The following EFCAB6 variants were observed in gnomAD, a reference collection of about 807,000 sequenced individuals.
EFCAB6 encodes the protein EF-hand calcium-binding domain-containing protein 6.
A neutral mutation model predicts 169.8 loss-of-function variants in EFCAB6; 156 were observed. That is an observed-to-expected ratio of 0.92 (90% CI 0.81 to 1.05). The LOEUF is 1.05. EFCAB6 is among the 50% of genes least tolerant of loss of function. EFCAB6 has a pLI of 0.00. For synonymous variants in EFCAB6, 698 were observed against 676.4 expected, an observed-to-expected ratio of 1.03 and a Z score of -0.50; for missense variants, 1,800 against 1,829.1, an observed-to-expected ratio of 0.98 and a Z score of 0.29.
intron 6 of EFCAB6, among the ~76,000 whole-genome samples, chr22:43,752,531 G>A (rs1409317801): frequency 2.0e-5 from 3 of 152,236 alleles, no homozygotes; most frequent in Non-Finnish European, 4.4e-5. Flanking sequence ...ACCAGGTGGT[G>A]ATTGAGGTTG....
chr22:43,566,240 T>C (rs1282601181), intron 26 of EFCAB6, among the ~76,000 whole-genome samples: 1 of 152,164 alleles, frequency 6.6e-6, no homozygotes, highest in East Asian at 1.9e-4. Context: ...GTGAGGCAGT[T>C]TCACCAGATT....
intron 27 of EFCAB6, among the ~76,000 whole-genome samples, chr22:43,543,860 C>T (rs2047889947): frequency 6.6e-6 from 1 of 152,106 alleles, no homozygotes; most frequent in South Asian, 2.1e-4. Flanking sequence ...CTCCGGCAGC[C>T]CCAGTCCCGC....
Position 43,630,718 on chromosome 22 carries a change from C to T in EFCAB6, c.2232+1387G>A, listed in dbSNP as rs576154119. On this transcript the variant is annotated intron_variant, in intron 19 of 31. Coordinates refer to ENST00000262726, the MANE Select transcript of EFCAB6 (RefSeq NM_022785.4). ...TCTCTCCCTGCAGCGGCCGCTGCCT[C>T]CCACCCAGCTCGGCTCTCCTTTGGA... Among the ~76,000 whole-genome samples the T allele has an allele frequency of 3.3e-5, 5 of 152,280 alleles. No homozygotes were observed. The East Asian group carries it at 9.7e-4, about 29-fold the overall frequency.
In EFCAB6 at chr22:43,765,316, A is replaced by C. The variant is rs2061292872; in HGVS notation, c.429T>G (p.Asn143Lys). The C allele has an allele frequency of 1.2e-6, 2 of 1,611,676 alleles. No homozygotes were observed. Among genetic ancestry groups the C allele is most frequent in the East Asian group, 4.5e-5 (2 of 44,784 alleles). Reference protein sequence around the residue: ...SRFGGIDLYINGIKRGGGNEM... With the variant: ...SRFGGIDLYIKGIKRGGGNEM... ...AACCAAACACTTACCTCTTTATACC[A>C]TTTATATATAGGTCAATTCCACCAA... The change falls in exon 5 of 32, where the codon AAT becomes AAG. Residue 143 changes from asparagine to lysine, a missense_variant. Transcript: ENST00000262726.
chr22:43,801,082 G>A (rs2062693303), intron 2 of EFCAB6, among the ~76,000 whole-genome samples: 1 of 151,270 alleles, frequency 6.6e-6, no homozygotes, highest in Non-Finnish European at 1.5e-5. Context: ...ACGGCAAGAG[G>A]AAAAAAAACA....
intron 8 of EFCAB6, among the ~76,000 whole-genome samples, chr22:43,731,164 T>C (rs1243936999): frequency 6.6e-6 from 1 of 152,074 alleles, no homozygotes; most frequent in African/African-American, 2.4e-5. Context: ...ACCCTGGGCG[T>C]CGTATGGAGG....
chr22:43,757,285 C>T (rs548484204), intron 5 of EFCAB6, among the ~76,000 whole-genome samples: 31 of 152,310 alleles, frequency 2.0e-4, no homozygotes, highest in Non-Finnish European at 3.1e-4. Flanking sequence ...TGGTGGCTCA[C>T]GCCTGTAATC....
chr22:43,798,576 T>A (rs1307870987), intron 2 of EFCAB6, among the ~76,000 whole-genome samples: 1 of 152,188 alleles, frequency 6.6e-6, no homozygotes, highest in Non-Finnish European at 1.5e-5. Flanking sequence ...ATGTAGCTAT[T>A]GGGATAAGTC....
At chr22:43,534,964 T>C in intron 29 of EFCAB6, 92 bp from the exon 30 acceptor site, 1 of 1,354,146 alleles carries the variant, frequency 7.4e-7, no homozygotes, top group Admixed American at 2.0e-5. Context: ...ACACCTTCTC[T>C]GCTTCAGGCC....
chr22:43,728,420 T>C (rs763192698), intron 8 of EFCAB6, among the ~76,000 whole-genome samples: 1 of 152,234 alleles, frequency 6.6e-6, no homozygotes, highest in African/African-American at 2.4e-5. Context: ...CTTTTGGGTA[T>C]ATACCCATTA....
intron 13 of EFCAB6, among the ~76,000 whole-genome samples, chr22:43,675,797 T>C (rs2057732210): frequency 6.7e-6 from 1 of 149,256 alleles, no homozygotes; most frequent in Non-Finnish European, 1.5e-5. Context: ...TATTATAATA[T>C]AATATAACTC....
chr22:43,752,306 C>G (rs1190544394), intron 6 of EFCAB6, among the ~76,000 whole-genome samples: 1 of 151,984 alleles, frequency 6.6e-6, no homozygotes, highest in African/African-American at 2.4e-5. Context: ...TTAGTAGAGA[C>G]AAGGTTTCAC....
At chr22:43,577,083 G>A (rs1005184695) in intron 25 of EFCAB6, among the ~76,000 whole-genome samples, 3 of 152,174 alleles carry the variant, frequency 2.0e-5, no homozygotes, top group Non-Finnish European at 2.9e-5. Context: ...GCCAGAGCCC[G>A]AGTGGCCTTG....
intron 2 of EFCAB6, among the ~76,000 whole-genome samples, chr22:43,807,737 G>A (rs1181764829): frequency 6.6e-6 from 1 of 152,134 alleles, no homozygotes; most frequent in Non-Finnish European, 1.5e-5. Context: ...AACACAAAAG[G>A]TTTTGGCAGT....
At chr22:43,783,531 C>T (rs907003842) in intron 2 of EFCAB6, among the ~76,000 whole-genome samples, 1 of 152,146 alleles carries the variant, frequency 6.6e-6, no homozygotes, top group Admixed American at 6.5e-5. Context: ...ATACAAAAAG[C>T]CCCTCAGCAA....
At chr22:43,810,619 C>T (rs1172574100) in intron 1 of EFCAB6, among the ~76,000 whole-genome samples, 1 of 152,194 alleles carries the variant, frequency 6.6e-6, no homozygotes, top group African/African-American at 2.4e-5. Flanking sequence ...GAGATCAGAG[C>T]ATGGGTGCTA....
At chr22:43,581,298 G>A (rs979335757) in intron 24 of EFCAB6, among the ~76,000 whole-genome samples, 1 of 152,202 alleles carries the variant, frequency 6.6e-6, no homozygotes, top group Non-Finnish European at 1.5e-5. Context: ...TCTTTCAGGA[G>A]TGGTTGAAAT....
intron 17 of EFCAB6, among the ~76,000 whole-genome samples, chr22:43,637,979 T>C (rs1443375867): frequency 6.6e-6 from 1 of 152,204 alleles, no homozygotes; most frequent in Admixed American, 6.5e-5. Context: ...TTCCCCAGCC[T>C]AGAGGGCTGT....
intron 23 of EFCAB6, among the ~76,000 whole-genome samples, chr22:43,596,219 C>CT (rs2051994020): frequency 6.6e-6 from 1 of 152,000 alleles, no homozygotes; most frequent in Non-Finnish European, 1.5e-5. Context: ...CACTTCTATT[C>CT]AACACAGTAC....
Sources: gnomAD v4.1 joint callset for allele counts (sites outside exome capture counted in the v4.1 genomes callset) on GRCh38, gnomAD v4.1.1 for gene constraint, MANE v1.5 for transcripts, NCBI Gene and HGNC (gene_info 2026-07-23, HGNC 2026-07-21) for gene names.